The following CMTR1 variants were observed in gnomAD, a reference collection of about 807,000 sequenced individuals.
The protein encoded by CMTR1 is cap-specific mRNA (nucleoside-2'-O-)-methyltransferase 1.
In CMTR1, 39 loss-of-function variants were observed where a neutral mutation model predicts 107.0. The observed-to-expected ratio is 0.36, with a 90% CI of 0.28 to 0.48. CMTR1 has a LOEUF of 0.48. CMTR1 is among the 20% of genes least tolerant of loss of function. The pLI is 0.99. For synonymous variants in CMTR1, 366 were observed against 379.5 expected, an observed-to-expected ratio of 0.96 and a Z score of 0.41; for missense variants, 672 against 1,064.9, an observed-to-expected ratio of 0.63 and a Z score of 5.14.
chr6:37,478,543 C>T (rs775015177), intron 22 of CMTR1, 22 bp downstream of exon 22: 13 of 1,579,438 alleles, frequency 8.2e-6, no homozygotes, highest in Non-Finnish European at 1.1e-5. Flanking sequence ...GGGACTGTTC[C>T]CGCCATCCCC....
intron 1 of CMTR1, among the ~76,000 whole-genome samples, chr6:37,434,127 T>G (rs1351560781): frequency 6.6e-6 from 1 of 152,168 alleles, no homozygotes; most frequent in Non-Finnish European, 1.5e-5. Context: ...AGACTACGGC[T>G]TAAAGTGAAA....
In CMTR1 at chr6:37,458,872, G is replaced by A. The variant is rs1037550519; in HGVS notation, c.976+62G>A. On this transcript the variant is annotated intron_variant, in intron 9 of 23. Coordinates refer to ENST00000373451, the MANE Select transcript of CMTR1 (RefSeq NM_015050.3). The surrounding 1 kb of genome is among the most constrained non-coding windows in gnomAD (Gnocchi z 4.7). Reference sequence around the variant, plus strand: ...GACAGCCCCTCTATGGGGACTTCAGGTCAGAAGCAGTTGTTATCCACATGC... The same window carrying A: ...GACAGCCCCTCTATGGGGACTTCAGATCAGAAGCAGTTGTTATCCACATGC... The A allele has an allele frequency of 2.0e-6, 3 of 1,470,496 alleles. No individual in the cohort carries two copies. In the African/African-American group the frequency reaches 4.2e-5, roughly 20 times the overall value. 91.1% of individuals were successfully genotyped at this position (1,470,496 alleles called of 1,614,324 possible). A position where few individuals can be genotyped will look rare whatever the true frequency, so the allele number is the denominator to read the frequency against.
intron 19 of CMTR1, chr6:37,475,857 G>T: frequency 1.9e-6 from 1 of 519,576 alleles, no homozygotes. Context: ...TCTAGTGGAG[G>T]TGACTGAGCA....
At chr6:37,471,451 A>C in intron 14 of CMTR1, among the ~76,000 whole-genome samples, 1 of 152,188 alleles carries the variant, frequency 6.6e-6, no homozygotes. Flanking sequence ...GGGGGTGAAC[A>C]TAAGCTAATT....
rs552809081 is a variant in CMTR1 at position 37,481,120 on chromosome 6, G to A, written c.*975G>A. The A allele has an allele frequency of 7.7e-7, 1 of 1,304,216 alleles. No individual in the cohort carries two copies. Among genetic ancestry groups the A allele is most frequent in the East Asian group, 5.5e-5 (1 of 18,026 alleles). 80.8% of individuals were successfully genotyped at this position (1,304,216 alleles called of 1,614,324 possible). On this transcript the variant is annotated 3_prime_UTR_variant, in exon 24 of 24. Transcript: ENST00000373451. ...TTCCCTTCCTTTTTCTTCCCTAATAGGAGGTACAATCTGCTTTTGTTTGTC... is the reference window on the plus strand; with the variant it reads ...TTCCCTTCCTTTTTCTTCCCTAATAAGAGGTACAATCTGCTTTTGTTTGTC...
At chr6:37,475,775 A>G (rs1035185948) in intron 19 of CMTR1, 3 of 477,292 alleles carry the variant, frequency 6.3e-6, no homozygotes, top group Non-Finnish European at 1.1e-5. Flanking sequence ...TGCTCATCTG[A>G]GTGGGTGCAC....
chr6:37,454,393 G>A (rs949076483), intron 8 of CMTR1, among the ~76,000 whole-genome samples: 2 of 152,176 alleles, frequency 1.3e-5, no homozygotes, highest in African/African-American at 2.4e-5. Flanking sequence ...CCATTCTCCA[G>A]TACCAGCAGG....
the CMTR1 span, among the ~76,000 whole-genome samples, chr6:37,425,299 C>CT: frequency 0.65 from 90,179 of 139,638 alleles, 29,378 homozygotes; most frequent in Middle Eastern, 0.79. Flanking sequence ...TAAATTCTTT[C>CT]TTTTTTTTTT....
chr6:37,476,981 C>G (rs1761751593), intron 20 of CMTR1, among the ~76,000 whole-genome samples: 1 of 152,164 alleles, frequency 6.6e-6, no homozygotes, highest in South Asian at 2.1e-4. Flanking sequence ...AAAGACAGCT[C>G]CCAGGGGGAA....
intron 13 of CMTR1, among the ~76,000 whole-genome samples, chr6:37,464,214 C>G (rs1761458170): frequency 1.3e-5 from 2 of 152,038 alleles, no homozygotes; most frequent in African/African-American, 4.8e-5. Context: ...ACCTGTAATC[C>G]CAGCACTTTG....
At position 37,445,484 on chromosome 6, in the gene CMTR1, C is replaced by CTTT. The variant is rs370310831; in HGVS notation, c.286-787_286-785dup. Among the ~76,000 whole-genome samples the CTTT allele has an allele frequency of 2.6e-3, 288 of 109,152 alleles. 3 individuals carry two copies. The highest frequency in any genetic ancestry group is 0.01 in the African/African-American group (232 of 22,856). The allele number at this position is 109,152 out of a possible 152,430, so 71.6% of individuals were successfully genotyped here. A position where few individuals can be genotyped will look rare whatever the true frequency, so the allele number is the denominator to read the frequency against. On this transcript the variant is annotated intron_variant, in intron 3 of 23. Coordinates refer to ENST00000373451, the MANE Select transcript of CMTR1 (RefSeq NM_015050.3). ...GTATTATAGTCCTCCCATACCTCACCTTTTTTTTTTTTTTTTTTTTTTGAG... is the reference window on the plus strand; with the variant it reads ...GTATTATAGTCCTCCCATACCTCACCTTTTTTTTTTTTTTTTTTTTTTTTTGAG...
intron 2 of CMTR1, 147 bp downstream of exon 2, chr6:37,435,909 G>A (rs537392049): frequency 7.8e-6 from 6 of 764,632 alleles, no homozygotes; most frequent in Non-Finnish European, 1.2e-5. Context: ...GTTGGCTATA[G>A]ACTCTTTTCC....
chr6:37,476,273 T>C (rs1431824643), intron 20 of CMTR1, 79 bp downstream of exon 20: 2 of 1,445,930 alleles, frequency 1.4e-6, no homozygotes, highest in African/African-American at 1.4e-5. Context: ...ACAGGAGGGC[T>C]CAGTGGAGGG....
rs1457634264 is a variant in CMTR1 at position 37,480,234 on chromosome 6, C to T, written c.*89C>T. 4.5e-6 allele frequency: 7 copies of T among 1,554,054 alleles called. No homozygotes were observed. In the African/African-American group the frequency reaches 7.0e-5, roughly 16 times the overall value. On this transcript the variant is annotated 3_prime_UTR_variant, in exon 24 of 24. Coordinates refer to ENST00000373451, the MANE Select transcript of CMTR1 (RefSeq NM_015050.3). ...CCCACAGTGCTGGCTTCTTCCCCCT[C>T]TTGAAAAGGGACTGGGGAGCATTGC... is the stretch of plus-strand genomic sequence containing the variant.
intron 13 of CMTR1, among the ~76,000 whole-genome samples, chr6:37,464,165 C>G (rs1348468340): frequency 6.6e-6 from 1 of 152,114 alleles, no homozygotes. Context: ...GCCTACATCC[C>G]TATTAAGATA....
chr6:37,458,026 T>C lies in CMTR1; in HGVS notation c.778-586T>C, dbSNP rs1305091205. Among the ~76,000 whole-genome samples the C allele has an allele frequency of 6.6e-6, 1 of 152,126 alleles. No homozygotes were observed. The highest frequency in any genetic ancestry group is 2.4e-5 in the African/African-American group (1 of 41,430). On this transcript the variant is annotated intron_variant, in intron 8 of 23. Transcript: ENST00000373451. The surrounding 1 kb of genome is among the most constrained non-coding windows in gnomAD (Gnocchi z 4.7). Reference sequence around the variant, plus strand: ...ATGGTGAGGAAAACACTCTGAGAGATAAAAAATGTAGTCAGATACCCATAA... The same window carrying C: ...ATGGTGAGGAAAACACTCTGAGAGACAAAAAATGTAGTCAGATACCCATAA...
intron 13 of CMTR1, among the ~76,000 whole-genome samples, chr6:37,468,751 C>T (rs1374548707): frequency 2.0e-5 from 3 of 151,960 alleles, no homozygotes; most frequent in African/African-American, 7.3e-5. Context: ...GGCATGATGG[C>T]GGGTACCTGT....
rs1761341933 is a variant in CMTR1 at position 37,458,542 on chromosome 6, A to G, written c.778-70A>G. ...GAAAGGCTTATTTTACTCTCCCTGC[A>G]TTCTCCTTCCTGTTGCCCATTGAGC... On this transcript the variant is annotated intron_variant, in intron 8 of 23. Coordinates refer to ENST00000373451, the MANE Select transcript of CMTR1 (RefSeq NM_015050.3). This position sits in a 1 kb window ranked among gnomAD's most constrained non-coding sequence, Gnocchi z 4.7. 6.8e-7 allele frequency: 1 copy of G among 1,480,610 alleles called. No homozygotes were observed. The highest frequency in any genetic ancestry group is 9.3e-7 in the Non-Finnish European group (1 of 1,074,870). 91.7% of individuals were successfully genotyped at this position (1,480,610 alleles called of 1,614,324 possible). A position where few individuals can be genotyped will look rare whatever the true frequency, so the allele number is the denominator to read the frequency against.
chr6:37,459,160 C>T (rs1357778092), intron 9 of CMTR1, among the ~76,000 whole-genome samples: 1 of 152,242 alleles, frequency 6.6e-6, no homozygotes, highest in East Asian at 1.9e-4. Flanking sequence ...CATCTCTCGC[C>T]CTCTGTGCCA....
Sources: allele counts gnomAD v4.1 joint callset (sites outside exome capture counted in the v4.1 genomes callset), GRCh38; gene constraint gnomAD v4.1.1; non-coding constraint Gnocchi (gnomAD v3.1); transcripts MANE v1.5; gene names NCBI Gene and HGNC (gene_info 2026-07-23, HGNC 2026-07-21).